The following C10orf90 variants were observed in gnomAD, a reference collection of about 807,000 sequenced individuals.
C10orf90 encodes the protein (E2-independent) E3 ubiquitin-conjugating enzyme FATS.
Under a neutral mutation model 62.5 loss-of-function variants are expected in C10orf90, and 56 were observed. That is an observed-to-expected ratio of 0.90 (90% CI 0.72 to 1.12). The LOEUF is 1.12. C10orf90 is among the 50% of genes most tolerant of loss of function. The probability of loss-of-function intolerance (pLI) is 0.00; values close to 1 mark genes in which losing one functional copy is unlikely to be tolerated. For synonymous variants in C10orf90, 386 were observed against 340.4 expected (o/e 1.13, Z -1.47); for missense variants, 970 against 880.4 (o/e 1.10, Z -1.29).
chr10:126,534,809 G>A lies in C10orf90; in HGVS notation c.314-20870C>T, dbSNP rs551237817. On this transcript the variant is annotated intron_variant, in intron 2 of 9. Coordinates refer to ENST00000488181, the MANE Select transcript of C10orf90 (RefSeq NM_001350921.2). ...GGTGGCTTTGGAATCTCTTGTTTCCGCGTAGTGGGAAGATGGTGCTGCCTT... is the reference window on the plus strand; with the variant it reads ...GGTGGCTTTGGAATCTCTTGTTTCCACGTAGTGGGAAGATGGTGCTGCCTT... Among the ~76,000 whole-genome samples, 18 of 152,250 alleles carry A rather than the reference G, an allele frequency of 1.2e-4. No homozygotes were observed. The South Asian group carries it at 2.1e-3, about 18-fold the overall frequency.
chr10:126,579,070 T>TAA (rs1564880081), intron 2 of C10orf90, among the ~76,000 whole-genome samples: 2 of 149,258 alleles, frequency 1.3e-5, no homozygotes, highest in African/African-American at 5.1e-5. Context: ...AAGTTTTTTT[T>TAA]TAAAAAAAAA....
At position 126,464,777 on chromosome 10, in the gene C10orf90, C is replaced by T. The variant is rs749861461; in HGVS notation, c.1744G>A (p.Gly582Arg). ...ACATCTTGTAAGGGGCAAAGAAACC[C>T]AGGAAAAAGGATTCTGGGTTTCAGG... ...SFLKPRILFPGFLCPLQDVCA... is the reference protein window; with the variant it reads ...SFLKPRILFPRFLCPLQDVCA... Residue 582 changes from glycine (G) to arginine (R), a missense_variant, in exon 5 of 10, where the codon GGG becomes AGG. Coordinates refer to ENST00000488181, the MANE Select transcript of C10orf90 (RefSeq NM_001350921.2). The T allele has an allele frequency of 1.2e-6, 2 of 1,614,092 alleles. No homozygotes were observed. The highest frequency in any genetic ancestry group is 2.2e-5 in the South Asian group (2 of 91,070).
chr10:126,503,915 A>G (rs1862545320), intron 4 of C10orf90, 42 bp downstream of exon 4: 5 of 1,563,288 alleles, frequency 3.2e-6, no homozygotes, highest in Middle Eastern at 4.7e-4. Context: ...TTGCTAGGAC[A>G]TTTACTCAGG....
chr10:126,621,683 T>G (rs1200655717), intron 2 of C10orf90, among the ~76,000 whole-genome samples: 1 of 152,190 alleles, frequency 6.6e-6, no homozygotes, highest in African/African-American at 2.4e-5. Context: ...AATCCCCAAT[T>G]TGGTTATTTC....
chr10:126,461,272 C>T, intron 6 of C10orf90, 129 bp downstream of exon 6: 2 of 1,082,218 alleles, frequency 1.8e-6, no homozygotes, highest in African/African-American at 3.2e-5. Flanking sequence ...CCTGCCCAGT[C>T]ACACAGCTGC....
At chr10:126,573,032 A>T (rs530416963) in intron 2 of C10orf90, among the ~76,000 whole-genome samples, 1 of 152,166 alleles carries the variant, frequency 6.6e-6, no homozygotes, top group African/African-American at 2.4e-5. Context: ...GACGAGCCAC[A>T]GACAACAACC....
chr10:126,444,602 C>A (rs879619586), intron 7 of C10orf90, among the ~76,000 whole-genome samples: 5 of 152,028 alleles, frequency 3.3e-5, no homozygotes, highest in Admixed American at 1.3e-4. Context: ...CTGCCAAAAG[C>A]AATCTACAAA....
At chr10:126,483,912 C>T (rs1861290260) in intron 4 of C10orf90, among the ~76,000 whole-genome samples, 1 of 152,322 alleles carries the variant, frequency 6.6e-6, no homozygotes, top group South Asian at 2.1e-4. Context: ...CTGTGGGTTG[C>T]TTCCACCCTG....
intron 5 of C10orf90, 125 bp from the exon 6 acceptor site, chr10:126,461,710 C>G: frequency 1.0e-6 from 1 of 967,140 alleles, no homozygotes; most frequent in South Asian, 1.6e-5. Context: ...TAATGGGCCT[C>G]GTTAAGCTGA....
chr10:126,563,242 G>A (rs1591100554), intron 2 of C10orf90, among the ~76,000 whole-genome samples: 1 of 152,140 alleles, frequency 6.6e-6, no homozygotes, highest in Non-Finnish European at 1.5e-5. Flanking sequence ...CTAAAGAGGG[G>A]CCACTCGTCC....
intron 2 of C10orf90, among the ~76,000 whole-genome samples, chr10:126,631,885 C>T (rs562696617): frequency 1.1e-4 from 16 of 151,958 alleles, no homozygotes; most frequent in South Asian, 2.1e-4. Context: ...GACTAGGTCA[C>T]GGTAGGAGTG....
In C10orf90 at chr10:126,452,879, A is replaced by G. The variant is rs570516974; in HGVS notation, c.2188+6161T>C. The stretch of plus-strand genomic sequence containing the variant: ...ATTTAAAAATTCTCTTGTGAGTAAT[A>G]TCAGGAGAACTAGCCCCAAATATTT... On this transcript the variant is annotated intron_variant, in intron 7 of 9. Coordinates refer to ENST00000488181, the MANE Select transcript of C10orf90 (RefSeq NM_001350921.2). Among the ~76,000 whole-genome samples, 203 of 152,350 alleles carry G rather than the reference A, an allele frequency of 1.3e-3. 1 individual carries two copies. Among genetic ancestry groups the G allele is most frequent in the African/African-American group, 4.4e-3 (181 of 41,582 alleles).
chr10:126,612,810 G>A (rs552537764), intron 2 of C10orf90, among the ~76,000 whole-genome samples: 8 of 152,244 alleles, frequency 5.3e-5, no homozygotes, highest in Non-Finnish European at 1.0e-4. Context: ...CAACATTTAC[G>A]TGTTTCTAAA....
chr10:126,617,453 T>C (rs914377869), intron 2 of C10orf90, among the ~76,000 whole-genome samples: 1 of 152,208 alleles, frequency 6.6e-6, no homozygotes, highest in African/African-American at 2.4e-5. Context: ...ATGACTGGCT[T>C]GGATTCTTCC....
chr10:126,437,214 G>T (rs1006457080), intron 7 of C10orf90, among the ~76,000 whole-genome samples: 2 of 152,166 alleles, frequency 1.3e-5, no homozygotes, highest in African/African-American at 4.8e-5. Context: ...GAACCAGTGG[G>T]ATTTTTATTC....
At chr10:126,642,931 C>T (rs1458133271) in intron 2 of C10orf90, among the ~76,000 whole-genome samples, 1 of 152,144 alleles carries the variant, frequency 6.6e-6, no homozygotes, top group African/African-American at 2.4e-5. Context: ...CACTATCTAT[C>T]CAGGAACATC....
chr10:126,442,905 A>T (rs1193633845), intron 7 of C10orf90, among the ~76,000 whole-genome samples: 1 of 151,940 alleles, frequency 6.6e-6, no homozygotes, highest in African/African-American at 2.4e-5. Context: ...CTGCTCCTGG[A>T]TGAGCATTGG....
rs145402440 is a variant in C10orf90, at chr10:126,572,810, T to C, written c.314-58871A>G. 3.2e-3 allele frequency among the ~76,000 whole-genome samples: 483 copies of C among 152,134 alleles called. 2 individuals are homozygous for C. Among genetic ancestry groups the C allele is most frequent in the Middle Eastern group, 6.8e-3 (2 of 294 alleles). On this transcript the variant is annotated intron_variant, in intron 2 of 9. Coordinates refer to ENST00000488181, the MANE Select transcript of C10orf90 (RefSeq NM_001350921.2). ...GGAGTTGCTATGGTTCACATGCCTC[T>C]GACACTCCTACCAGCACCATGACAG...
chr10:126,448,928 T>TC (rs1858978820), intron 7 of C10orf90, among the ~76,000 whole-genome samples: 1 of 152,186 alleles, frequency 6.6e-6, no homozygotes, highest in African/African-American at 2.4e-5. Flanking sequence ...TGGGACCAGA[T>TC]GGCTTCATGG....
Sources: allele counts gnomAD v4.1 joint callset (sites outside exome capture counted in the v4.1 genomes callset), GRCh38; gene constraint gnomAD v4.1.1; transcripts MANE v1.5; gene names NCBI Gene and HGNC (gene_info 2026-07-23, HGNC 2026-07-21).